The following RHBDF1 variants were observed in gnomAD, a reference collection of about 807,000 sequenced individuals.
The protein encoded by RHBDF1 is rhomboid 5 homolog 1, also known as inactive rhomboid protein 1.
Under a neutral mutation model 98.6 loss-of-function variants are expected in RHBDF1, and 80 were observed. That is an observed-to-expected ratio of 0.81 (90% CI 0.68 to 0.98). The LOEUF is 0.98. Ranked by LOEUF, RHBDF1 falls within the 50% of genes least tolerant of loss-of-function variation. RHBDF1 has a pLI of 0.00. For synonymous variants in RHBDF1, 512 were observed against 486.8 expected, an observed-to-expected ratio of 1.05 and a Z score of -0.68; for missense variants, 1,116 against 1,198.3, an observed-to-expected ratio of 0.93 and a Z score of 1.01.
chr16:74,745 T>C (rs1651245054), upstream of RHBDF1: 1 of 151,962 alleles, frequency 6.6e-6, no homozygotes, highest in Non-Finnish European at 1.5e-5. Flanking sequence ...AAATGGCCGG[T>C]TCCTGCCTTA....
chr16:62,777 G>A lies in RHBDF1; in HGVS notation c.793C>T (p.Arg265Trp), dbSNP rs3213511. ...PDELDTSFFAREGILHEELST... is the reference protein window; with the variant it reads ...PDELDTSFFAWEGILHEELST... The stretch of plus-strand genomic sequence containing the variant: ...GGGACACCCCGGGCACTTCTTACCC[G>A]GGCAAAGAAGGATGTGTCCAGCTCA... The change falls in exon 6 of 18, where the codon CGG becomes TGG. Residue 265 changes from arginine to tryptophan, a missense_variant and splice_region_variant. Transcript: ENST00000262316. The A allele has an allele frequency of 5.4e-4, 873 of 1,614,068 alleles. 11 individuals carry two copies. The East Asian group carries it at 0.018, about 34-fold the overall frequency.
Position 59,507 on chromosome 16 carries a change from G to A in RHBDF1, c.1818-13C>T, listed in dbSNP as rs1897523698. 6.2e-7 allele frequency: 1 copy of A among 1,611,548 alleles called. No individual in the cohort carries two copies. The highest frequency in any genetic ancestry group is 8.5e-7 in the Non-Finnish European group (1 of 1,179,010). On this transcript the variant is annotated splice_polypyrimidine_tract_variant and intron_variant, in intron 14 of 17. Coordinates refer to ENST00000262316, the MANE Select transcript of RHBDF1 (RefSeq NM_022450.5). ...GGTGATCTCACACCTAGAAAGGCAGGCCAGGGTTCGGAGACTGCTGCCTTG... is the reference window on the plus strand; with the variant it reads ...GGTGATCTCACACCTAGAAAGGCAGACCAGGGTTCGGAGACTGCTGCCTTG...
intron 13 of RHBDF1, 64 bp from the exon 14 acceptor site, chr16:59,890 T>G: frequency 4.3e-6 from 7 of 1,610,262 alleles, no homozygotes; most frequent in Non-Finnish European, 5.9e-6. Flanking sequence ...CACACCACGT[T>G]TGGGGGTAGA....
At chr16:68,941 T>G (rs981184585) in intron 1 of RHBDF1, among the ~76,000 whole-genome samples, 1 of 152,250 alleles carries the variant, frequency 6.6e-6, no homozygotes, top group East Asian at 1.9e-4. Flanking sequence ...TTGGGCCCCA[T>G]GTGTCTCCAC....
chr16:69,092 T>C (rs913132109), intron 1 of RHBDF1, among the ~76,000 whole-genome samples: 2 of 152,210 alleles, frequency 1.3e-5, no homozygotes, highest in South Asian at 2.1e-4. Flanking sequence ...GGGCAGGAGC[T>C]GGGGGGTGAA....
At chr16:59,932 A>G in intron 13 of RHBDF1, 106 bp from the exon 14 acceptor site, 1 of 1,555,774 alleles carries the variant, frequency 6.4e-7, no homozygotes, top group Non-Finnish European at 8.7e-7. Context: ...AAAGCAGAAA[A>G]CGGTGTGGCT....
chr16:63,921 G>T (rs1490668163), intron 3 of RHBDF1, 121 bp from the exon 4 acceptor site: 6 of 873,726 alleles, frequency 6.9e-6, no homozygotes, highest in Non-Finnish European at 1.1e-5. Flanking sequence ...AGGGACCAGG[G>T]TCTGAGTGGG....
intron 3 of RHBDF1, 170 bp downstream of exon 3, chr16:64,529 G>T: frequency 6.5e-7 from 1 of 1,545,732 alleles, no homozygotes. Flanking sequence ...AGTGGGGTGA[G>T]AGCGGTCAGT....
intron 1 of RHBDF1, among the ~76,000 whole-genome samples, chr16:70,014 G>GT (rs1006650613): frequency 3.7e-4 from 56 of 151,886 alleles, no homozygotes; most frequent in African/African-American, 1.3e-3. Context: ...TGGCAGGAGG[G>GT]GGGGGGGCAC....
At chr16:69,499 C>G (rs932405413) in intron 1 of RHBDF1, among the ~76,000 whole-genome samples, 2 of 152,042 alleles carry the variant, frequency 1.3e-5, no homozygotes, top group African/African-American at 4.8e-5. Context: ...GGATGTGGCT[C>G]CTCCAGCATC....
At position 63,622 on chromosome 16, in the gene RHBDF1, G is replaced by T. The variant is rs531564188; in HGVS notation, c.427C>A (p.Leu143Ile). The T allele has an allele frequency of 6.3e-7, 1 of 1,588,434 alleles. No homozygotes were observed. Among genetic ancestry groups the T allele is most frequent in the African/African-American group, 1.3e-5 (1 of 74,372 alleles). Reference sequence around the variant, plus strand: ...CCCAGCTGGCATGGCCCCACGTAGAGTGGGGGTGGCGTCTCGGTGCTGGTC... The same window carrying T: ...CCCAGCTGGCATGGCCCCACGTAGATTGGGGGTGGCGTCTCGGTGCTGGTC... ...SLTSTETPPPLYVGPCQLGMQ... is the reference protein window; with the variant it reads ...SLTSTETPPPIYVGPCQLGMQ... Residue 143 changes from leucine (L) to isoleucine (I), a missense_variant, in exon 4 of 18, where the codon CTC becomes ATC. By Grantham distance (5) the Leu-to-Ile change is conservative. Coordinates refer to ENST00000262316, the MANE Select transcript of RHBDF1 (RefSeq NM_022450.5).
upstream of RHBDF1, chr16:76,108 A>C (rs1247011801): frequency 6.6e-6 from 1 of 152,268 alleles, no homozygotes; most frequent in Non-Finnish European, 1.5e-5. Flanking sequence ...CCCAGCACCA[A>C]TACTAGCCTT....
intron 3 of RHBDF1, 94 bp downstream of exon 3, chr16:64,605 G>A: frequency 2.6e-6 from 4 of 1,542,516 alleles, no homozygotes; most frequent in East Asian, 2.3e-5. Flanking sequence ...TGAAACAAGA[G>A]GGCCCTTGTT....
In RHBDF1 at chr16:58,247, G is replaced by A; in HGVS notation, c.*93C>T. 3 of 1,250,902 alleles carry A rather than the reference G, an allele frequency of 2.4e-6. No individual in the cohort carries two copies. Among genetic ancestry groups the A allele is most frequent in the Non-Finnish European group, 3.3e-6 (3 of 896,206 alleles). 77.5% of individuals were successfully genotyped at this position (1,250,902 alleles called of 1,614,324 possible). Reference sequence around the variant, plus strand: ...CAGGAAACAGGCCAGTCCCCACATGGAGCAGGTGACTCCTGTAAGCCTGTG... The same window carrying A: ...CAGGAAACAGGCCAGTCCCCACATGAAGCAGGTGACTCCTGTAAGCCTGTG... On this transcript the variant is annotated 3_prime_UTR_variant, in exon 18 of 18. Transcript: ENST00000262316.
At position 63,490 on chromosome 16, in the gene RHBDF1, C is replaced by T. The variant is rs537057237; in HGVS notation, c.462+97G>A. The stretch of plus-strand genomic sequence containing the variant: ...GACTGCCCTTCCAGACTGTGAGCTC[C>T]CAGAGAGTCCCTTCTGCTCAGGCTG... On this transcript the variant is annotated intron_variant, in intron 4 of 17. Coordinates refer to ENST00000262316, the MANE Select transcript of RHBDF1 (RefSeq NM_022450.5). 8.2e-6 allele frequency: 9 copies of T among 1,103,350 alleles called. No individual in the cohort carries two copies. The South Asian group carries it at 1.1e-4, about 13-fold the overall frequency. 68.3% of individuals were successfully genotyped at this position (1,103,350 alleles called of 1,614,324 possible). A position where few individuals can be genotyped will look rare whatever the true frequency, so the allele number is the denominator to read the frequency against.
chr16:74,267 G>A (rs780446787), upstream of RHBDF1, among the ~76,000 whole-genome samples: 5 of 152,178 alleles, frequency 3.3e-5, no homozygotes, highest in Non-Finnish European at 7.3e-5. Flanking sequence ...AAGCCCTATC[G>A]GGCCTGGATG....
upstream of RHBDF1, among the ~76,000 whole-genome samples, chr16:75,562 C>T (rs2562160): frequency 0.065 from 9,870 of 152,222 alleles, 607 homozygotes; most frequent in South Asian, 0.17. Flanking sequence ...AAGTCATAGG[C>T]TATTTCTGAG....
chr16:73,081 TCA>T (rs1328157292), upstream of RHBDF1, among the ~76,000 whole-genome samples: 2 of 152,128 alleles, frequency 1.3e-5, no homozygotes, highest in Non-Finnish European at 2.9e-5. Flanking sequence ...TCACATTCCC[TCA>T]CACACATTCA....
Position 61,823 on chromosome 16 carries a change from G to C in RHBDF1, c.1183C>G (p.Gln395Glu). The change falls in exon 8 of 18, where the codon CAG becomes GAG. Residue 395 changes from glutamine to glutamate, a missense_variant. Transcript: ENST00000262316. ...CTGTGGTCGTCCATGTCCTCGATCT[G>C]GCGCTTGACGAAGCTGTCGATGCGC... ...RKRIDSFVKR[Q>E]IEDMDDHRPF... 1 of 1,612,738 alleles carries C rather than the reference G, an allele frequency of 6.2e-7. No individual in the cohort carries two copies. The highest frequency in any genetic ancestry group is 8.5e-7 in the Non-Finnish European group (1 of 1,179,794).
Sources: allele counts gnomAD v4.1 joint callset (sites outside exome capture counted in the v4.1 genomes callset), GRCh38; gene constraint gnomAD v4.1.1; transcripts MANE v1.5; gene names NCBI Gene and HGNC (gene_info 2026-07-23, HGNC 2026-07-21).